MALL: variants seen among roughly 807,000 people sequenced by gnomAD.
The protein encoded by MALL is mal, T cell differentiation protein like, also known as MAL-like protein.
A neutral mutation model predicts 10.3 loss-of-function variants in MALL; 2 were observed. That is an observed-to-expected ratio of 0.19 (90% CI 0.08 to 0.61). The LOEUF is 0.61. Among genes scored for constraint, MALL ranks in the 20% least tolerant of loss-of-function variants. MALL has a pLI of 0.88. For synonymous variants in MALL, 27 were observed against 51.8 expected, an observed-to-expected ratio of 0.52 and a Z score of 2.05; for missense variants, 39 against 115.2, an observed-to-expected ratio of 0.34 and a Z score of 3.03.
intron 1 of MALL, among the ~76,000 whole-genome samples, chr2:110,110,093 C>T (rs1443756601): frequency 1.3e-5 from 2 of 152,018 alleles, no homozygotes; most frequent in Non-Finnish European, 2.9e-5. Context: ...AAGTTCATAG[C>T]CCTAAACACC....
intron 1 of MALL, chr2:110,097,751 G>A (rs1383920754): frequency 3.4e-6 from 1 of 292,152 alleles, no homozygotes; most frequent in Non-Finnish European, 6.9e-6. Flanking sequence ...TGGGTACCCT[G>A]TGGCAGGTTT....
intron 1 of MALL, among the ~76,000 whole-genome samples, chr2:110,099,486 A>G (rs1678516240): frequency 6.6e-6 from 1 of 152,206 alleles, no homozygotes; most frequent in Non-Finnish European, 1.5e-5. Context: ...CATTTACTCA[A>G]TTAGGCCCTA....
At chr2:110,104,223 G>A (rs1678638468) in intron 1 of MALL, among the ~76,000 whole-genome samples, 1 of 152,132 alleles carries the variant, frequency 6.6e-6, no homozygotes, top group South Asian at 2.1e-4. Context: ...TGGGCAGCAG[G>A]CACTGTGAGC....
chr2:110,102,362 G>C (rs1559031225), intron 1 of MALL, among the ~76,000 whole-genome samples: 2 of 53,244 alleles, frequency 3.8e-5, no homozygotes, highest in Non-Finnish European at 2.1e-4. Context: ...ACTCTCCACT[G>C]TCATTGTCTC....
At chr2:110,103,878 G>A (rs897306987) in intron 1 of MALL, among the ~76,000 whole-genome samples, 4 of 152,158 alleles carry the variant, frequency 2.6e-5, no homozygotes, top group South Asian at 2.1e-4. Context: ...CCAGGGATGC[G>A]GGGCCAGGCC....
intron 1 of MALL, among the ~76,000 whole-genome samples, chr2:110,104,791 C>T (rs1366516790): frequency 6.6e-6 from 1 of 152,190 alleles, no homozygotes; most frequent in Non-Finnish European, 1.5e-5. Flanking sequence ...AGTTGCACCA[C>T]TCCTTTAAGA....
At chr2:110,107,602 A>G (rs1001225753) in intron 1 of MALL, among the ~76,000 whole-genome samples, 1 of 152,056 alleles carries the variant, frequency 6.6e-6, no homozygotes, top group Non-Finnish European at 1.5e-5. Flanking sequence ...GTCCTTCCCT[A>G]TCCACTCTGG....
At chr2:110,116,094 A>G (rs928144464), upstream of MALL, 3 of 288,916 alleles carry the variant, frequency 1.0e-5, no homozygotes, top group Non-Finnish European at 1.3e-5. Flanking sequence ...ATGTTATTCC[A>G]GGGGATGCCA....
chr2:110,109,499 T>A (rs1462078484), intron 1 of MALL, among the ~76,000 whole-genome samples: 2 of 152,014 alleles, frequency 1.3e-5, no homozygotes, highest in African/African-American at 4.8e-5. Flanking sequence ...GACAGAAAAA[T>A]TTCACAATCC....
chr2:110,107,347 G>C (rs942270114), intron 1 of MALL, among the ~76,000 whole-genome samples: 1 of 139,974 alleles, frequency 7.1e-6, no homozygotes, highest in Admixed American at 6.8e-5. Flanking sequence ...GGGGCTGCTG[G>C]GGGGTACACA....
Position 110,102,142 on chromosome 2 carries a change from G to A in MALL, c.106-10372C>T, listed in dbSNP as rs1678583820. On this transcript the variant is annotated intron_variant, in intron 1 of 3. Transcript: ENST00000272462. ...GTCCCCATACCCTCCTTTCTCCTCA[G>A]GAGCCCACAGACATTTTGTGACTAA... Among the ~76,000 whole-genome samples the A allele has an allele frequency of 2.6e-5, 4 of 152,240 alleles. No individual in the cohort carries two copies. The South Asian group carries it at 8.3e-4, about 32-fold the overall frequency.
intron 1 of MALL, among the ~76,000 whole-genome samples, chr2:110,101,167 T>C (rs1678556492): frequency 6.6e-6 from 1 of 152,054 alleles, no homozygotes; most frequent in South Asian, 2.1e-4. Flanking sequence ...GCCATCCTTA[T>C]CTCCTTTGTG....
intron 1 of MALL, among the ~76,000 whole-genome samples, chr2:110,112,342 A>C (rs1414494937): frequency 1.3e-5 from 2 of 152,218 alleles, no homozygotes; most frequent in African/African-American, 4.8e-5. Context: ...CATCTGACAA[A>C]GGTCTAATAT....
chr2:110,102,656 G>C (rs1389044131), intron 1 of MALL, among the ~76,000 whole-genome samples: 4 of 152,166 alleles, frequency 2.6e-5, no homozygotes, highest in Non-Finnish European at 4.4e-5. Flanking sequence ...TTCCTGCCAG[G>C]AGCCTGAACC....
chr2:110,100,178 A>C (rs1678532667), intron 1 of MALL, among the ~76,000 whole-genome samples: 1 of 152,138 alleles, frequency 6.6e-6, no homozygotes, highest in Non-Finnish European at 1.5e-5. Context: ...ATTATCAACC[A>C]GCATTAAGAA....
intron 1 of MALL, among the ~76,000 whole-genome samples, chr2:110,112,954 G>A (rs1426276889): frequency 6.6e-6 from 1 of 151,332 alleles, no homozygotes; most frequent in Non-Finnish European, 1.5e-5. Context: ...TGAATTAACA[G>A]CATTCGCACT....
At chr2:110,109,474 TA>T (rs1678757166) in intron 1 of MALL, among the ~76,000 whole-genome samples, 1 of 152,160 alleles carries the variant, frequency 6.6e-6, no homozygotes, top group South Asian at 2.1e-4. Context: ...TATATAACGG[TA>T]AAAGGCCTTG....
At chr2:110,103,702 G>A (rs17842654) in intron 1 of MALL, among the ~76,000 whole-genome samples, 9,185 of 152,248 alleles carry the variant, frequency 0.06, 570 homozygotes, top group African/African-American at 0.15. Flanking sequence ...CAGAGCAGCC[G>A]TCAAGTCTGT....
chr2:110,114,792 G>A (rs1301850909), intron 1 of MALL, among the ~76,000 whole-genome samples: 1 of 151,778 alleles, frequency 6.6e-6, no homozygotes, highest in African/African-American at 2.4e-5. Context: ...CAAATTCAGG[G>A]CAGGTAAGAA....
Sources: allele counts gnomAD v4.1 joint callset (sites outside exome capture counted in the v4.1 genomes callset), GRCh38; gene constraint gnomAD v4.1.1; transcripts MANE v1.5; gene names NCBI Gene and HGNC (gene_info 2026-07-23, HGNC 2026-07-21).